Variants in L3MBTL4 observed in about 807,000 individuals in gnomAD.
L3MBTL4 encodes L3MBTL histone methyl-lysine binding protein 4.
A neutral mutation model predicts 84.5 loss-of-function variants in L3MBTL4; 70 were observed. The ratio of observed to expected loss-of-function variants is 0.83; its 90% CI spans 0.68 to 1.01. The LOEUF (loss-of-function observed/expected upper bound fraction) is 1.01, where lower values mean the gene tolerates loss of function less well. Among genes scored for constraint, L3MBTL4 ranks in the 50% least tolerant of loss-of-function variants. The pLI is 0.00. For missense variants in L3MBTL4, 715 were observed against 754.8 expected (o/e 0.95, Z 0.62); for synonymous variants, 274 against 259.8 (o/e 1.05, Z -0.52).
chr18:6,101,613 C>G (rs1412925755), intron 14 of L3MBTL4, among the ~76,000 whole-genome samples: 2 of 152,158 alleles, frequency 1.3e-5, no homozygotes, highest in Admixed American at 6.5e-5. Flanking sequence ...CAATCCTTAC[C>G]CTCTCCAGCT....
intron 16 of L3MBTL4, among the ~76,000 whole-genome samples, chr18:5,991,082 C>T (rs1191791926): frequency 6.6e-6 from 1 of 152,088 alleles, no homozygotes; most frequent in African/African-American, 2.4e-5. Context: ...GTTCTTTCCT[C>T]CTGGAATGCC....
rs1488580618 is a variant in L3MBTL4, at chr18:5,966,402, T to C, written c.1614+2991A>G. On this transcript the variant is annotated intron_variant, in intron 17 of 18. Transcript: ENST00000317931. ...TCAAAACCCGACCAGCTCTGACACC[T>C]GTCCTGCTGCACCGCACACTCTGGT... 3.9e-5 allele frequency among the ~76,000 whole-genome samples: 6 copies of C among 152,182 alleles called. No homozygotes were observed. In the East Asian group the frequency reaches 1.2e-3, roughly 29 times the overall value.
At position 6,070,149 on chromosome 18, in the gene L3MBTL4, G is replaced by T. The variant is rs539390068; in HGVS notation, c.1444+10732C>A. Reference sequence around the variant, plus strand: ...ATGGAGCATAAACAATATTTGAGGAGATAATGGTCAAATTTTTCAAAGTGG... The same window carrying T: ...ATGGAGCATAAACAATATTTGAGGATATAATGGTCAAATTTTTCAAAGTGG... On this transcript the variant is annotated intron_variant, in intron 16 of 18. Coordinates refer to ENST00000317931, the MANE Select transcript of L3MBTL4 (RefSeq NM_001330559.2). Among the ~76,000 whole-genome samples, 5 of 152,158 alleles carry T rather than the reference G, an allele frequency of 3.3e-5. No homozygotes were observed. The South Asian group carries it at 8.4e-4, about 26-fold the overall frequency.
chr18:6,105,764 C>A (rs1374612148), intron 14 of L3MBTL4, among the ~76,000 whole-genome samples: 13 of 146,804 alleles, frequency 8.9e-5, no homozygotes, highest in African/African-American at 3.3e-4. Context: ...AGTGCCATTG[C>A]ACTCCAGCAT....
intron 12 of L3MBTL4, among the ~76,000 whole-genome samples, chr18:6,187,571 A>G (rs1240108685): frequency 3.3e-5 from 5 of 152,192 alleles, no homozygotes; most frequent in Non-Finnish European, 7.3e-5. Context: ...GCTCATGTTT[A>G]CATGTACTGC....
At chr18:6,031,421 C>T (rs1335577136) in intron 16 of L3MBTL4, 2 of 985,306 alleles carry the variant, frequency 2.0e-6, no homozygotes, top group East Asian at 1.1e-4. Context: ...AACTTCTGAA[C>T]ATTTATAAGT....
chr18:6,147,934 T>C (rs2042724415), intron 13 of L3MBTL4, among the ~76,000 whole-genome samples: 1 of 152,194 alleles, frequency 6.6e-6, no homozygotes, highest in Non-Finnish European at 1.5e-5. Context: ...TAATGGGTAA[T>C]TGGCTAATTA....
At position 6,065,252 on chromosome 18, in the gene L3MBTL4, CAGTT is replaced by C. The variant is rs375467818; in HGVS notation, c.1444+15625_1444+15628del. ...TTTTTGATGTGCTGTTGGATTTGGT[CAGTT>C]AGTATTTTGTTGAGGATTTTTGCAT... On this transcript the variant is annotated intron_variant, in intron 16 of 18. Coordinates refer to ENST00000317931, the MANE Select transcript of L3MBTL4 (RefSeq NM_001330559.2). Among the ~76,000 whole-genome samples the C allele has an allele frequency of 4.2e-3, 632 of 151,792 alleles. 4 individuals carry two copies. Among genetic ancestry groups the C allele is most frequent in the African/African-American group, 0.014 (588 of 41,432 alleles).
intron 16 of L3MBTL4, among the ~76,000 whole-genome samples, chr18:6,041,395 C>G (rs951686127): frequency 1.3e-5 from 2 of 152,200 alleles, no homozygotes; most frequent in Non-Finnish European, 2.9e-5. Flanking sequence ...ACTGGCCCCC[C>G]CTAATTTCTC....
At chr18:6,382,227 T>C (rs2054620486) in intron 1 of L3MBTL4, among the ~76,000 whole-genome samples, 2 of 152,188 alleles carry the variant, frequency 1.3e-5, no homozygotes, top group African/African-American at 4.8e-5. Flanking sequence ...AGTTAGCAAT[T>C]TGTCTAACCT....
At chr18:6,374,737 C>G (rs2054296616) in intron 1 of L3MBTL4, among the ~76,000 whole-genome samples, 1 of 152,154 alleles carries the variant, frequency 6.6e-6, no homozygotes, top group Non-Finnish European at 1.5e-5. Flanking sequence ...CGCCCCGCCT[C>G]TCCTCATCGT....
chr18:6,081,513 C>A (rs1017505771), intron 15 of L3MBTL4, among the ~76,000 whole-genome samples: 27 of 152,160 alleles, frequency 1.8e-4, no homozygotes, highest in African/African-American at 6.0e-4. Context: ...GAAGTTTCTA[C>A]AATAAAACTT....
chr18:6,378,229 G>T (rs1425319218), intron 1 of L3MBTL4, among the ~76,000 whole-genome samples: 1 of 152,168 alleles, frequency 6.6e-6, no homozygotes, highest in Non-Finnish European at 1.5e-5. Context: ...CCCTTTGTCA[G>T]ATGGATAGAT....
chr18:6,009,061 G>A (rs1490734394), intron 16 of L3MBTL4, among the ~76,000 whole-genome samples: 6 of 152,186 alleles, frequency 3.9e-5, no homozygotes, highest in Non-Finnish European at 8.8e-5. Context: ...GACCTCGGGA[G>A]GGGTGAGCTA....
rs1187483116 is a variant in L3MBTL4 at position 6,414,421 on chromosome 18, C to G, written c.-91+380G>C. Among the ~76,000 whole-genome samples, 1 of 152,102 alleles carries G rather than the reference C, an allele frequency of 6.6e-6. No individual in the cohort carries two copies. Among genetic ancestry groups the G allele is most frequent in the East Asian group, 1.9e-4 (1 of 5,158 alleles). On this transcript the variant is annotated intron_variant, in intron 1 of 18. Transcript: ENST00000317931. The surrounding 1 kb of genome is among the most constrained non-coding windows in gnomAD (Gnocchi z 5.4). ...CTGGGGGCCCTCAGGAGTCCCGTCC[C>G]GTCCCGCTCCCCCGGTCCCAGGCTG...
chr18:6,316,805 T>C (rs1188754042), intron 1 of L3MBTL4, among the ~76,000 whole-genome samples: 2 of 152,008 alleles, frequency 1.3e-5, no homozygotes, highest in Non-Finnish European at 2.9e-5. Context: ...CTCCCACCCT[T>C]CCCCCTGATG....
intron 1 of L3MBTL4, among the ~76,000 whole-genome samples, chr18:6,351,067 G>C (rs1398504672): frequency 6.6e-6 from 1 of 152,010 alleles, no homozygotes; most frequent in Non-Finnish European, 1.5e-5. Flanking sequence ...GTGGTGGCAC[G>C]CACCTGTAAT....
chr18:6,012,251 C>T (rs537832178), intron 16 of L3MBTL4, among the ~76,000 whole-genome samples: 2 of 152,156 alleles, frequency 1.3e-5, no homozygotes, highest in East Asian at 3.9e-4. Context: ...ATCCTAAGAG[C>T]TGTCAGGGAG....
chr18:5,996,054 C>G (rs373779780), intron 16 of L3MBTL4, among the ~76,000 whole-genome samples: 142 of 152,306 alleles, frequency 9.3e-4, no homozygotes, highest in African/African-American at 3.3e-3. Flanking sequence ...ATTTTTGCAT[C>G]ACTCTAGCAT....
Sources: allele counts gnomAD v4.1 joint callset (sites outside exome capture counted in the v4.1 genomes callset), GRCh38; gene constraint gnomAD v4.1.1; non-coding constraint Gnocchi (gnomAD v3.1); transcripts MANE v1.5; gene names NCBI Gene and HGNC (gene_info 2026-07-23, HGNC 2026-07-21).